The following MAP4 variants were observed in gnomAD, a reference collection of about 807,000 sequenced individuals.
MAP4 encodes microtubule-associated protein 4.
Under a neutral mutation model 170.2 loss-of-function variants are expected in MAP4, and 76 were observed. The observed-to-expected ratio is 0.45, with a 90% CI of 0.37 to 0.54. MAP4 has a LOEUF of 0.54. Among genes scored for constraint, MAP4 ranks in the 20% least tolerant of loss-of-function variants. The pLI is 0.00. For synonymous variants in MAP4, 909 were observed against 994.5 expected (o/e 0.91, Z 1.62); for missense variants, 2,506 against 2,748.0 (o/e 0.91, Z 1.97).
In MAP4 at chr3:48,007,720, T is replaced by G. The variant is rs945586462; in HGVS notation, c.-20+8614A>C. Among the ~76,000 whole-genome samples, 4 of 150,766 alleles carry G rather than the reference T, an allele frequency of 2.7e-5. No homozygotes were observed. The South Asian group carries it at 8.4e-4, about 32-fold the overall frequency. On this transcript the variant is annotated intron_variant, in intron 1 of 20. Coordinates refer to ENST00000683076, the MANE Select transcript of MAP4 (RefSeq NM_001385682.1). The stretch of plus-strand genomic sequence containing the variant: ...ACGCAGTGTCACTCTGTTGCCAAAC[T>G]GGAGTGCAGTGGTGCGATCTCGGCT...
In MAP4 at chr3:47,951,502, G is replaced by A. The variant is rs967562461; in HGVS notation, c.293-23152C>T. On this transcript the variant is annotated intron_variant, in intron 3 of 20. Transcript: ENST00000683076. The stretch of plus-strand genomic sequence containing the variant: ...GTGCCTGCGATTGCAGACGCGCGCC[G>A]CCACGCCTGACTGGTTTTCGTATTT... 5.9e-5 allele frequency among the ~76,000 whole-genome samples: 9 copies of A among 152,288 alleles called. No homozygotes were observed. In the East Asian group the frequency reaches 7.7e-4, roughly 13 times the overall value.
chr3:47,971,307 C>T (rs9854454), intron 3 of MAP4, among the ~76,000 whole-genome samples: 57,312 of 152,008 alleles, frequency 0.38, 11,618 homozygotes, highest in African/African-American at 0.53. Context: ...TACAGCGTGG[C>T]TCCAATAGCT....
intron 1 of MAP4, among the ~76,000 whole-genome samples, chr3:48,028,193 G>C (rs953577107): frequency 6.6e-6 from 1 of 152,200 alleles, no homozygotes; most frequent in South Asian, 2.1e-4. Context: ...TTGGGAGGCT[G>C]ACGCAGGAGA....
At chr3:47,930,744 C>T (rs887119208) in intron 3 of MAP4, among the ~76,000 whole-genome samples, 3 of 151,584 alleles carry the variant, frequency 2.0e-5, no homozygotes, top group African/African-American at 4.9e-5. Context: ...CTGGCTAACA[C>T]AGTGAAACCC....
upstream of MAP4, among the ~76,000 whole-genome samples, chr3:48,017,600 C>T (rs1362995720): frequency 6.6e-6 from 1 of 151,820 alleles, no homozygotes; most frequent in Non-Finnish European, 1.5e-5. Context: ...GGTCTCCCTA[C>T]AATTTAGTCA....
intron 17 of MAP4, among the ~76,000 whole-genome samples, chr3:47,862,161 CAA>C (rs58780669): frequency 0.36 from 29,582 of 82,076 alleles, 3,035 homozygotes; most frequent in African/African-American, 0.49. Flanking sequence ...ACTCTGTCTC[CAA>C]AAAAAAAAAA....
At chr3:47,932,589 T>TA (rs1187945104) in intron 3 of MAP4, among the ~76,000 whole-genome samples, 6 of 152,180 alleles carry the variant, frequency 3.9e-5, no homozygotes, top group African/African-American at 1.4e-4. Flanking sequence ...AACATGTTGT[T>TA]ATCTTTTTTT....
At chr3:47,904,432 C>T (rs2100031742) in intron 9 of MAP4, among the ~76,000 whole-genome samples, 1 of 151,350 alleles carries the variant, frequency 6.6e-6, no homozygotes, top group East Asian at 1.9e-4. Context: ...TCTCCTGAGC[C>T]TCCTGAGTAG....
At position 47,857,471 on chromosome 3, in the gene MAP4, G is replaced by A; in HGVS notation, c.6543C>T (p.Ser2181=). 6.2e-7 allele frequency: 1 copy of A among 1,614,168 alleles called. No homozygotes were observed. The highest frequency in any genetic ancestry group is 8.5e-7 in the Non-Finnish European group (1 of 1,179,996). ...QNKKVDISKV[S]SKCGSKANIK... is the part of the protein sequence containing the mutation. The stretch of plus-strand genomic sequence containing the variant: ...TGTTAGCCTTAGACCCACACTTGGA[G>A]GAGACCTTAGAGATGTCCACTTTCT... The change falls in exon 18 of 21, where the codon TCC becomes TCT. Residue 2181 remains serine, a synonymous_variant. Transcript: ENST00000683076.
intron 1 of MAP4, among the ~76,000 whole-genome samples, chr3:48,001,455 C>T (rs1170775144): frequency 6.6e-6 from 1 of 152,040 alleles, no homozygotes; most frequent in Non-Finnish European, 1.5e-5. Flanking sequence ...ACCTTAATTC[C>T]TCATCAATAA....
At chr3:47,918,899 G>T in intron 5 of MAP4, 58 bp from the exon 6 acceptor site, 2 of 1,450,620 alleles carry the variant, frequency 1.4e-6, no homozygotes, top group Non-Finnish European at 1.9e-6. Context: ...GGAAACAAAA[G>T]GTATTTGATA....
intron 17 of MAP4, among the ~76,000 whole-genome samples, chr3:47,862,874 T>C (rs946611854): frequency 7.2e-5 from 11 of 152,106 alleles, no homozygotes; most frequent in Admixed American, 2.0e-4. Flanking sequence ...CTCATGTAGA[T>C]AGTAAATGAG....
intron 2 of MAP4, among the ~76,000 whole-genome samples, chr3:47,992,942 C>G (rs2100093257): frequency 6.8e-6 from 1 of 146,684 alleles, no homozygotes; most frequent in Non-Finnish European, 1.5e-5. Context: ...CTTGTTATAA[C>G]ACGTCTGAAC....
chr3:47,980,578 C>G (rs2100084901), intron 2 of MAP4, among the ~76,000 whole-genome samples: 1 of 151,988 alleles, frequency 6.6e-6, no homozygotes, highest in Admixed American at 6.6e-5. Flanking sequence ...TCTAAAAGAA[C>G]AAGGCAGTCC....
chr3:48,086,929 A>AACT (rs2100149343), intron 1 of MAP4, among the ~76,000 whole-genome samples: 1 of 152,212 alleles, frequency 6.6e-6, no homozygotes, highest in Non-Finnish European at 1.5e-5. Context: ...GAAGTTTCTG[A>AACT]ACTACTATGT....
chr3:47,991,462 T>C (rs1348241605), intron 2 of MAP4, among the ~76,000 whole-genome samples: 1 of 152,044 alleles, frequency 6.6e-6, no homozygotes, highest in African/African-American at 2.4e-5. Context: ...CTTGAGGCCA[T>C]GAGTTCCAGA....
At chr3:47,891,268 A>G in intron 10 of MAP4, 1 of 1,536,274 alleles carries the variant, frequency 6.5e-7, no homozygotes, top group African/African-American at 1.4e-5. Flanking sequence ...CCTTCTTCCC[A>G]GAGTTGCTGC....
intron 17 of MAP4, among the ~76,000 whole-genome samples, chr3:47,858,281 G>A (rs1343216816): frequency 6.6e-6 from 1 of 152,002 alleles, no homozygotes; most frequent in Non-Finnish European, 1.5e-5. Context: ...CCAAAGTGCT[G>A]GAATTACAGG....
At chr3:47,978,610 C>T (rs1000304169) in intron 2 of MAP4, among the ~76,000 whole-genome samples, 4 of 152,152 alleles carry the variant, frequency 2.6e-5, no homozygotes, top group African/African-American at 7.2e-5. Flanking sequence ...GCCACCATGC[C>T]CAGCGGAGGC....
Sources: allele counts gnomAD v4.1 joint callset (sites outside exome capture counted in the v4.1 genomes callset), GRCh38; gene constraint gnomAD v4.1.1; transcripts MANE v1.5; gene names NCBI Gene and HGNC (gene_info 2026-07-23, HGNC 2026-07-21).